TBXAS1: variants seen among roughly 807,000 people sequenced by gnomAD.
The protein encoded by TBXAS1 is thromboxane A synthase 1, also known as thromboxane-A synthase.
In TBXAS1, 48 loss-of-function variants were observed where a neutral mutation model predicts 60.7. The observed-to-expected ratio is 0.79, with a 90% confidence interval of 0.63 to 1.01. The LOEUF (loss-of-function observed/expected upper bound fraction) is 1.01, where lower values mean the gene tolerates loss of function less well. TBXAS1 is among the 50% of genes least tolerant of loss of function. The probability of loss-of-function intolerance (pLI) is 0.00; values close to 1 mark genes in which losing one functional copy is unlikely to be tolerated. For synonymous variants in TBXAS1, 287 were observed against 269.7 expected (o/e 1.06, Z -0.63); for missense variants, 685 against 686.3 (o/e 1.00, Z 0.02).
chr7:139,882,617 T>G (rs532970888), intron 3 of TBXAS1, among the ~76,000 whole-genome samples: 8 of 152,126 alleles, frequency 5.3e-5, no homozygotes, highest in Non-Finnish European at 7.4e-5. Context: ...TTGATGAAAA[T>G]GAAAATATAC....
chr7:139,882,060 GGTGTGAACACTTTTC>G (rs1363864688), intron 3 of TBXAS1, among the ~76,000 whole-genome samples: 1 of 152,156 alleles, frequency 6.6e-6, no homozygotes, highest in African/African-American at 2.4e-5. Flanking sequence ...AAGTGACTAA[GGTGTGAACACTTTTC>G]GTGTAATTGC....
chr7:139,803,839 G>A lies in TBXAS1; in HGVS notation c.-80+16413G>A, dbSNP rs1167086805. ...TGCAAAAAAGTCAAGAATTGAGGTT[G>A]GGGAACCTCCACTTAGATTTCAGAG... is the stretch of plus-strand genomic sequence containing the variant. On this transcript the variant is annotated intron_variant, in intron 4 of 16. Coordinates refer to the TBXAS1 transcript ENST00000336425. 2.0e-5 allele frequency among the ~76,000 whole-genome samples: 3 copies of A among 152,200 alleles called. 1 individual carries two copies. The highest frequency in any genetic ancestry group is 1.5e-5 in the Non-Finnish European group (1 of 68,030).
chr7:139,837,686 T>C (rs1799159415), intron 1 of TBXAS1, among the ~76,000 whole-genome samples: 1 of 152,142 alleles, frequency 6.6e-6, no homozygotes, highest in South Asian at 2.1e-4. Flanking sequence ...AGGCAAGGGA[T>C]AAAAGATTGC....
chr7:139,949,866 GTGA>G (rs957618372), intron 5 of TBXAS1, among the ~76,000 whole-genome samples: 7 of 152,146 alleles, frequency 4.6e-5, no homozygotes, highest in Non-Finnish European at 1.0e-4. Flanking sequence ...TCCAAAAACA[GTGA>G]TGATGAATGA....
Position 139,829,531 on chromosome 7 carries a change from G to A in TBXAS1, c.89+52G>A, listed in dbSNP as rs540432742. The A allele has an allele frequency of 5.8e-6, 9 of 1,552,878 alleles. No individual in the cohort carries two copies. The South Asian group carries it at 1.0e-4, about 18-fold the overall frequency. ...TGACAGCGTCAGCCGTCTCACCCTG[G>A]AGCCTTGCTGGTGCCATGGCGGGGT... On this transcript the variant is annotated intron_variant, in intron 1 of 12. Transcript: ENST00000448866.
chr7:139,950,037 ATTTTTTTTT>A (rs3082651), intron 5 of TBXAS1, among the ~76,000 whole-genome samples: 1 of 103,544 alleles, frequency 9.7e-6, no homozygotes. Flanking sequence ...AGGTGATGGG[ATTTTTTTTT>A]TTTTTTTTTT....
intron 9 of TBXAS1, among the ~76,000 whole-genome samples, chr7:139,977,973 G>T (rs1584992644): frequency 6.6e-6 from 1 of 152,126 alleles, no homozygotes. Flanking sequence ...ATAACACACG[G>T]ACCATTCAGT....
chr7:139,830,339 C>G (rs976371826), intron 1 of TBXAS1, among the ~76,000 whole-genome samples: 1 of 152,060 alleles, frequency 6.6e-6, no homozygotes, highest in Non-Finnish European at 1.5e-5. Flanking sequence ...AGTAATAAAG[C>G]CTTCTCTAGA....
intron 11 of TBXAS1, chr7:140,016,321 C>CT (rs967716691): frequency 4.5e-6 from 1 of 222,168 alleles, no homozygotes; most frequent in Non-Finnish European, 8.7e-6. Flanking sequence ...GAGCAAGACT[C>CT]TGTCTAAAAA....
At position 139,962,275 on chromosome 7, in the gene TBXAS1, G is replaced by A. The variant is rs761736042; in HGVS notation, c.1134+42G>A. On this transcript the variant is annotated intron_variant, in intron 9 of 12. Coordinates refer to ENST00000448866, the MANE Select transcript of TBXAS1 (RefSeq NM_001061.7). ...TCCAGTTACCCATGGGATATCCATA[G>A]GACAATTGATTTTGTGTTTGTGGGA... The A allele has an allele frequency of 2.5e-6, 4 of 1,608,894 alleles. No individual in the cohort carries two copies. In the African/African-American group the frequency reaches 5.3e-5, roughly 21 times the overall value.
intron 4 of TBXAS1, among the ~76,000 whole-genome samples, chr7:139,920,807 T>C (rs1314637486): frequency 6.6e-6 from 1 of 152,202 alleles, no homozygotes; most frequent in African/African-American, 2.4e-5. Flanking sequence ...GGACACTCCT[T>C]CCTGAGACCA....
intron 9 of TBXAS1, among the ~76,000 whole-genome samples, chr7:139,992,936 C>T (rs1278363931): frequency 6.6e-6 from 1 of 152,072 alleles, no homozygotes; most frequent in Non-Finnish European, 1.5e-5. Context: ...TTTGGGAGGC[C>T]GAGGTGGGTG....
chr7:139,953,015 T>C (rs1255393848), intron 5 of TBXAS1, among the ~76,000 whole-genome samples: 1 of 152,240 alleles, frequency 6.6e-6, no homozygotes, highest in Non-Finnish European at 1.5e-5. Flanking sequence ...TAGGCTTTAT[T>C]TACTTGCTAA....
At chr7:140,018,428 G>A (rs1815274007) in intron 12 of TBXAS1, among the ~76,000 whole-genome samples, 1 of 152,152 alleles carries the variant, frequency 6.6e-6, no homozygotes, top group Non-Finnish European at 1.5e-5. Flanking sequence ...CTCACAGGTG[G>A]TGACACAGCC....
intron 9 of TBXAS1, among the ~76,000 whole-genome samples, chr7:140,002,351 T>C (rs1813731741): frequency 2.0e-5 from 3 of 152,236 alleles, no homozygotes; most frequent in African/African-American, 7.2e-5. Flanking sequence ...GACTTTGGGT[T>C]CACAGGCCTT....
chr7:139,993,401 A>G (rs979549655), intron 9 of TBXAS1, among the ~76,000 whole-genome samples: 2 of 152,230 alleles, frequency 1.3e-5, no homozygotes, highest in African/African-American at 2.4e-5. Context: ...ACACTGCCCA[A>G]TTGTAAGCGA....
chr7:139,820,100 C>T (rs79724040), intron 4 of TBXAS1, among the ~76,000 whole-genome samples: 14,746 of 152,028 alleles, frequency 0.097, 837 homozygotes, highest in Non-Finnish European at 0.13. Flanking sequence ...CCCACTCTCA[C>T]TCCCAGTGAC....
intron 3 of TBXAS1, among the ~76,000 whole-genome samples, chr7:139,895,529 C>T (rs539457284): frequency 2.0e-5 from 3 of 152,338 alleles, no homozygotes; most frequent in East Asian, 3.9e-4. Flanking sequence ...GTGGGCTTTA[C>T]CAGGAAGGGG....
At chr7:139,949,143 T>C (rs4726477) in intron 5 of TBXAS1, among the ~76,000 whole-genome samples, 122,778 of 152,212 alleles carry the variant, frequency 0.81, 50,113 homozygotes, top group African/African-American at 0.94. Context: ...GGCCTGGGCT[T>C]TCTTTCACAC....
Sources: allele counts gnomAD v4.1 joint callset (sites outside exome capture counted in the v4.1 genomes callset), GRCh38; gene constraint gnomAD v4.1.1; transcripts MANE v1.5; gene names NCBI Gene and HGNC (gene_info 2026-07-23, HGNC 2026-07-21).